Variants in ANKRD27 observed in about 807,000 individuals in gnomAD.
ANKRD27 encodes ankyrin repeat domain-containing protein 27.
ANKRD27 carries 112 observed loss-of-function variants against 129.7 expected under a neutral mutation model. The observed-to-expected ratio is 0.86, with a 90% CI of 0.74 to 1.01. The LOEUF (loss-of-function observed/expected upper bound fraction) is 1.01, where lower values mean the gene tolerates loss of function less well. Ranked by LOEUF, ANKRD27 falls within the 50% of genes least tolerant of loss-of-function variation. The pLI is 0.00. For missense variants in ANKRD27, 1,258 were observed against 1,300.5 expected (o/e 0.97, Z 0.50); for synonymous variants, 516 against 511.2 (o/e 1.01, Z -0.13).
chr19:32,659,012 C>A lies in ANKRD27; in HGVS notation c.4G>T (p.Ala2Ser). 6.2e-7 allele frequency: 1 copy of A among 1,612,612 alleles called. No homozygotes were observed. The highest frequency in any genetic ancestry group is 1.1e-5 in the South Asian group (1 of 91,058). Residue 2 changes from alanine to serine, a missense_variant, in exon 2 of 29, where the codon GCT becomes TCT. By Grantham distance (99) the Ala-to-Ser change is moderately conservative (BLOSUM62 1). Transcript: ENST00000306065. ...TTCAGGAGGTCTTCATCATACAGAG[C>A]CATATGGACTTCAGATGGGTCAGAG... M[A>S]LYDEDLLKNP... is the part of the protein sequence containing the mutation.
intron 12 of ANKRD27, among the ~76,000 whole-genome samples, chr19:32,632,460 C>G (rs959194282): frequency 2.0e-5 from 3 of 151,854 alleles, no homozygotes; most frequent in Non-Finnish European, 4.4e-5. Context: ...TGGCGGGCGC[C>G]TGTAATCCCA....
chr19:32,671,472 TG>T (rs1967869546), intron 1 of ANKRD27, among the ~76,000 whole-genome samples: 1 of 151,882 alleles, frequency 6.6e-6, no homozygotes. Context: ...CCAAAGCGGG[TG>T]GATCACTGGA....
chr19:32,645,618 T>C (rs1967287748), intron 4 of ANKRD27, among the ~76,000 whole-genome samples: 1 of 151,340 alleles, frequency 6.6e-6, no homozygotes, highest in African/African-American at 2.4e-5. Flanking sequence ...ATTTTATTTT[T>C]TTACTTTTTA....
At chr19:32,674,222 G>A (rs1164319448) in intron 1 of ANKRD27, among the ~76,000 whole-genome samples, 2 of 152,134 alleles carry the variant, frequency 1.3e-5, no homozygotes, top group East Asian at 3.9e-4. Context: ...TCGGCCAGTG[G>A]GAAGAGTGCA....
At chr19:32,637,715 T>A (rs1229002128) in intron 12 of ANKRD27, 1 of 152,286 alleles carries the variant, frequency 6.6e-6, no homozygotes, top group Non-Finnish European at 1.5e-5. Flanking sequence ...GATCCAGGAA[T>A]CTCTGCACTC....
In ANKRD27 at chr19:32,615,200, G is replaced by A. The variant is rs58353850; in HGVS notation, c.2175+458C>T. On this transcript the variant is annotated intron_variant, in intron 22 of 28. Transcript: ENST00000306065. ...GCTGGCACCCGCCCTAGGCTAATGAGTCTCACCATATCTTGGGGAATACCT... is the reference window on the plus strand; with the variant it reads ...GCTGGCACCCGCCCTAGGCTAATGAATCTCACCATATCTTGGGGAATACCT... Among the ~76,000 whole-genome samples, 851 of 152,316 alleles carry A rather than the reference G, an allele frequency of 5.6e-3. 29 individuals carry two copies. The East Asian group carries it at 0.098, about 18-fold the overall frequency.
rs1967224245 is a variant in ANKRD27, at chr19:32,642,683, G to C, written c.782+440C>G. On this transcript the variant is annotated intron_variant, in intron 9 of 28. Coordinates refer to ENST00000306065, the MANE Select transcript of ANKRD27 (RefSeq NM_032139.3). The stretch of plus-strand genomic sequence containing the variant: ...ACTCAGGAGGCAGAGGTTGCAGTGA[G>C]CCGAGATCACACCACTGCACTCCAG... 2.0e-5 allele frequency among the ~76,000 whole-genome samples: 3 copies of C among 151,638 alleles called. No homozygotes were observed. In the South Asian group the frequency reaches 6.3e-4, roughly 32 times the overall value.
intron 12 of ANKRD27, chr19:32,635,985 G>A (rs1437144566): frequency 6.6e-6 from 1 of 152,410 alleles, no homozygotes; most frequent in Non-Finnish European, 1.5e-5. Flanking sequence ...GTGACCCACT[G>A]CCATGGCTGA....
At position 32,610,987 on chromosome 19, in the gene ANKRD27, T is replaced by TTAAAA. The variant is rs72333215; in HGVS notation, c.2176-3160_2176-3156dup. 9.8e-3 allele frequency among the ~76,000 whole-genome samples: 1,476 copies of TTAAAA among 150,386 alleles called. 19 individuals are homozygous for TTAAAA. Among genetic ancestry groups the TTAAAA allele is most frequent in the African/African-American group, 0.031 (1,283 of 40,916 alleles). On this transcript the variant is annotated intron_variant, in intron 22 of 28. Transcript: ENST00000306065. Reference sequence around the variant, plus strand: ...CAGAGTGAAACCCCATCTCTAAAAATTAAAATAAAATAAAATAAAATAAAA... The same window carrying TTAAAA: ...CAGAGTGAAACCCCATCTCTAAAAATTAAAATAAAATAAAATAAAATAAAATAAAA...
intron 2 of ANKRD27, among the ~76,000 whole-genome samples, chr19:32,656,077 AAG>A (rs1245506151): frequency 4.1e-5 from 1 of 24,220 alleles, no homozygotes; most frequent in East Asian, 6.3e-4. Flanking sequence ...GAAAGAAAGA[AAG>A]AAAGAAAGAA....
intron 1 of ANKRD27, among the ~76,000 whole-genome samples, chr19:32,671,349 A>G (rs1176153719): frequency 6.6e-6 from 1 of 152,146 alleles, no homozygotes; most frequent in Non-Finnish European, 1.5e-5. Context: ...GAATTCTTAC[A>G]TAAGGGTAAA....
chr19:32,655,843 C>A (rs899709479), intron 2 of ANKRD27, among the ~76,000 whole-genome samples: 5 of 151,920 alleles, frequency 3.3e-5, no homozygotes, highest in African/African-American at 7.2e-5. Flanking sequence ...CATAGTGAAA[C>A]CCCATCTCTA....
Position 32,619,549 on chromosome 19 carries a change from A to T in ANKRD27, c.1832T>A (p.Leu611Gln). The T allele has an allele frequency of 6.2e-7, 1 of 1,614,114 alleles. No homozygotes were observed. Among genetic ancestry groups the T allele is most frequent in the East Asian group, 2.2e-5 (1 of 44,864 alleles). ...PLKCALNSKI[L>Q]SVMEAYHLSF... ...CAGGTGATAGGCTTCCATTACAGACAGAATCTAGGGGGACAAGGGGGATGC... is the reference window on the plus strand; with the variant it reads ...CAGGTGATAGGCTTCCATTACAGACTGAATCTAGGGGGACAAGGGGGATGC... Residue 611 changes from leucine to glutamine, a missense_variant, in exon 19 of 29, where the codon CTG (leucine) becomes CAG (glutamine). Leu to Gln is a moderately radical substitution (Grantham distance 113). Coordinates refer to ENST00000306065, the MANE Select transcript of ANKRD27 (RefSeq NM_032139.3).
At chr19:32,669,046 A>T (rs1009395664) in intron 1 of ANKRD27, among the ~76,000 whole-genome samples, 3 of 152,176 alleles carry the variant, frequency 2.0e-5, no homozygotes, top group Non-Finnish European at 4.4e-5. Context: ...TCCTGGCCTC[A>T]AGTAATCCTC....
At chr19:32,604,480 C>T in intron 24 of ANKRD27, 56 bp from the exon 25 acceptor site, 1 of 1,530,022 alleles carries the variant, frequency 6.5e-7, no homozygotes. Context: ...AGCATGGAAT[C>T]TGGCTGTGGG....
chr19:32,627,366 A>T (rs1042999407), intron 15 of ANKRD27, among the ~76,000 whole-genome samples: 27 of 15,184 alleles, frequency 1.8e-3, no homozygotes, highest in Non-Finnish European at 3.1e-3. Context: ...ACTTTATTTT[A>T]TTTATTTATT....
Position 32,642,014 on chromosome 19 carries a change from A to G in ANKRD27, c.904+10T>C, listed in dbSNP as rs372387833. ...CTACCCCTTGGCCAGTCCCCTTTCC[A>G]AGCACAAACCTCTCTGGCTTGGAGA... On this transcript the variant is annotated intron_variant, in intron 10 of 28. Transcript: ENST00000306065. 9.6e-6 allele frequency: 15 copies of G among 1,566,882 alleles called. No individual in the cohort carries two copies. In the African/African-American group the frequency reaches 2.0e-4, roughly 21 times the overall value.
At chr19:32,635,301 G>A (rs1599755431) in intron 12 of ANKRD27, among the ~76,000 whole-genome samples, 1 of 152,010 alleles carries the variant, frequency 6.6e-6, no homozygotes, top group African/African-American at 2.4e-5. Context: ...CAGAGGGCAG[G>A]GCAAAAACCA....
intron 2 of ANKRD27, 71 bp downstream of exon 2, chr19:32,658,842 AC>A: frequency 7.9e-7 from 1 of 1,270,312 alleles, no homozygotes; most frequent in South Asian, 1.2e-5. Flanking sequence ...CTCCCTCCAA[AC>A]TGAGCCTTAG....
Sources: gnomAD v4.1 joint callset for allele counts (sites outside exome capture counted in the v4.1 genomes callset) on GRCh38, gnomAD v4.1.1 for gene constraint, MANE v1.5 for transcripts, NCBI Gene and HGNC (gene_info 2026-07-23, HGNC 2026-07-21) for gene names.